Variants in NEDD4L observed in about 807,000 individuals in gnomAD.
NEDD4L encodes the protein E3 ubiquitin-protein ligase NEDD4-like.
In NEDD4L, 54 loss-of-function variants were observed where a neutral mutation model predicts 148.9. The ratio of observed to expected loss-of-function variants is 0.36; its 90% CI spans 0.29 to 0.45. The LOEUF (loss-of-function observed/expected upper bound fraction) is 0.45. Ranked by LOEUF, NEDD4L falls within the 20% of genes least tolerant of loss-of-function variation. The probability of loss-of-function intolerance (pLI) is 1.00; values close to 1 mark genes in which losing one functional copy is unlikely to be tolerated. For missense variants in NEDD4L, 856 were observed against 1,233.8 expected, an observed-to-expected ratio of 0.69 and a Z score of 4.59; for synonymous variants, 433 against 440.7, an observed-to-expected ratio of 0.98 and a Z score of 0.22.
At chr18:58,145,574 A>G (rs1323507975) in intron 1 of NEDD4L, among the ~76,000 whole-genome samples, 1 of 152,194 alleles carries the variant, frequency 6.6e-6, no homozygotes, top group Non-Finnish European at 1.5e-5. Flanking sequence ...AGTGATAATA[A>G]GGGTAATTAC....
chr18:58,246,843 C>G (rs1337892230), intron 3 of NEDD4L, among the ~76,000 whole-genome samples: 1 of 151,924 alleles, frequency 6.6e-6, no homozygotes, highest in Non-Finnish European at 1.5e-5. Context: ...ATTTTTTACC[C>G]TATGTTTGGA....
intron 1 of NEDD4L, among the ~76,000 whole-genome samples, chr18:58,110,002 A>G (rs1312549821): frequency 6.6e-6 from 1 of 152,202 alleles, no homozygotes; most frequent in Non-Finnish European, 1.5e-5. Context: ...GGGATGTTTT[A>G]GAAAGATTTT....
chr18:58,308,603 C>T lies in NEDD4L; in HGVS notation c.298-7379C>T, dbSNP rs535410061. Among the ~76,000 whole-genome samples, 14 of 152,336 alleles carry T rather than the reference C, an allele frequency of 9.2e-5. No individual in the cohort carries two copies. In the East Asian group the frequency reaches 9.6e-4, roughly 10 times the overall value. On this transcript the variant is annotated intron_variant, in intron 5 of 30. Transcript: ENST00000400345. ...CTCTTCACAGAGAGGAGAATAAAGG[C>T]GGTGACCATCAGGGTGACAGGCAGC...
chr18:58,341,558 G>A (rs780128177), intron 14 of NEDD4L, 120 bp from the exon 15 acceptor site: 21 of 1,049,160 alleles, frequency 2.0e-5, no homozygotes, highest in Non-Finnish European at 2.3e-5. Context: ...TTTCCTCCAC[G>A]CTTTAAATAG....
intron 16 of NEDD4L, among the ~76,000 whole-genome samples, chr18:58,347,351 A>G (rs1398115926): frequency 1.3e-5 from 2 of 151,948 alleles, no homozygotes; most frequent in African/African-American, 2.4e-5. Flanking sequence ...ATGTAATAGC[A>G]GTCCTCAGCT....
chr18:58,373,313 G>T, intron 24 of NEDD4L, 44 bp downstream of exon 24: 1 of 1,161,120 alleles, frequency 8.6e-7, no homozygotes, highest in Non-Finnish European at 1.3e-6. Context: ...GCTTTCAAGG[G>T]GCATTTTTCT....
At chr18:58,169,550 T>TA (rs11377224) in intron 2 of NEDD4L, among the ~76,000 whole-genome samples, 123,147 of 151,560 alleles carry the variant, frequency 0.81, 50,145 homozygotes, top group Admixed American at 0.85. Flanking sequence ...CAAAACAGCT[T>TA]AAAAAAAATG....
At chr18:58,155,781 A>G (rs969926515) in intron 1 of NEDD4L, among the ~76,000 whole-genome samples, 1 of 152,192 alleles carries the variant, frequency 6.6e-6, no homozygotes, top group Non-Finnish European at 1.5e-5. Flanking sequence ...CAGGGATGAC[A>G]GAAGGGAAGT....
At chr18:58,093,160 A>G (rs2084182948) in intron 1 of NEDD4L, among the ~76,000 whole-genome samples, 1 of 152,176 alleles carries the variant, frequency 6.6e-6, no homozygotes, top group Non-Finnish European at 1.5e-5. Context: ...GCAACAGGAC[A>G]TTTCAATGAA....
At chr18:58,121,662 G>A (rs1002676773) in intron 1 of NEDD4L, among the ~76,000 whole-genome samples, 5 of 152,142 alleles carry the variant, frequency 3.3e-5, no homozygotes, top group African/African-American at 1.2e-4. Flanking sequence ...TCCTGTGTTG[G>A]CTTTCGAAAG....
intron 2 of NEDD4L, chr18:58,195,635 GC>G: frequency 7.4e-7 from 1 of 1,349,986 alleles, no homozygotes; most frequent in Non-Finnish European, 9.8e-7. Context: ...ATTTCTCCTC[GC>G]CGCCGTTGCT....
intron 1 of NEDD4L, among the ~76,000 whole-genome samples, chr18:58,159,096 A>T (rs2035871083): frequency 6.6e-6 from 1 of 152,122 alleles, no homozygotes; most frequent in Non-Finnish European, 1.5e-5. Context: ...CCCAACATTA[A>T]GAGAGGGAAA....
chr18:58,202,030 T>C (rs889651231), intron 2 of NEDD4L, among the ~76,000 whole-genome samples: 2 of 152,200 alleles, frequency 1.3e-5, no homozygotes, highest in Non-Finnish European at 2.9e-5. Context: ...GTCGAGGCAT[T>C]CCAATAAAAA....
chr18:58,166,443 T>C (rs922307395), intron 2 of NEDD4L, among the ~76,000 whole-genome samples: 4 of 152,132 alleles, frequency 2.6e-5, no homozygotes, highest in African/African-American at 9.7e-5. Flanking sequence ...CTGTCAGCAA[T>C]GTGTTGCATG....
intron 1 of NEDD4L, among the ~76,000 whole-genome samples, chr18:58,150,399 T>C (rs1392561380): frequency 6.6e-6 from 1 of 152,232 alleles, no homozygotes; most frequent in Non-Finnish European, 1.5e-5. Context: ...CACACCTGAC[T>C]AATTTTAGTA....
intron 1 of NEDD4L, among the ~76,000 whole-genome samples, chr18:58,104,326 G>A (rs2084939744): frequency 6.6e-6 from 1 of 152,184 alleles, no homozygotes; most frequent in Non-Finnish European, 1.5e-5. Flanking sequence ...CTCTAAGATC[G>A]GGGCTGGGGC....
intron 2 of NEDD4L, chr18:58,194,102 G>T (rs2040409372): frequency 6.6e-6 from 1 of 152,282 alleles, no homozygotes. Context: ...AAGAATGAAG[G>T]TTGGAAAGAA....
chr18:58,084,346 CTG>C (rs778852077), intron 1 of NEDD4L, among the ~76,000 whole-genome samples: 4 of 152,146 alleles, frequency 2.6e-5, no homozygotes, highest in Non-Finnish European at 5.9e-5. Flanking sequence ...TTGTACGACT[CTG>C]TGGATATACT....
chr18:58,374,697 G>A (rs1411107699), intron 24 of NEDD4L, among the ~76,000 whole-genome samples: 1 of 151,216 alleles, frequency 6.6e-6, no homozygotes, highest in Non-Finnish European at 1.5e-5. Flanking sequence ...TCCCCCCAGA[G>A]ACACCTGCAA....
Sources: gnomAD v4.1 joint callset for allele counts (sites outside exome capture counted in the v4.1 genomes callset) on GRCh38, gnomAD v4.1.1 for gene constraint, MANE v1.5 for transcripts, NCBI Gene and HGNC (gene_info 2026-07-23, HGNC 2026-07-21) for gene names.